Variants in VOPP1 observed in about 807,000 individuals in gnomAD.
VOPP1 encodes the protein VOPP1 WW domain binding protein.
Under a neutral mutation model 23.5 loss-of-function variants are expected in VOPP1, and 8 were observed. That is an observed-to-expected ratio of 0.34 (90% CI 0.20 to 0.61). The LOEUF is 0.61. Among genes scored for constraint, VOPP1 ranks in the 20% least tolerant of loss-of-function variants. VOPP1 has a pLI of 0.78. For synonymous variants in VOPP1, 83 were observed against 97.3 expected (o/e 0.85, Z 0.86); for missense variants, 174 against 238.1 (o/e 0.73, Z 1.77).
At chr7:55,526,981 A>G (rs954578659) in intron 1 of VOPP1, 1 of 152,234 alleles carries the variant, frequency 6.6e-6, no homozygotes. Flanking sequence ...CTTGAGCCCA[A>G]TTAGAGTGGG....
At chr7:55,561,800 T>TGGGAGTAGCTTGCCTA (rs376114736) in intron 1 of VOPP1, 92 of 586,048 alleles carry the variant, frequency 1.6e-4, no homozygotes, top group Non-Finnish European at 2.4e-4. Flanking sequence ...TCAGAGCACG[T>TGGGAGTAGCTTGCCTA]GGGAGTAGCT....
rs544248814 is a variant in VOPP1 at position 55,498,840 on chromosome 7, G to A, written c.114-1150C>T. ...GATAACAGCGGCCTGGAACTCAGCAGACCCAAGCTCCAAAGCTGCTCTTCC... is the reference window on the plus strand; with the variant it reads ...GATAACAGCGGCCTGGAACTCAGCAAACCCAAGCTCCAAAGCTGCTCTTCC... On this transcript the variant is annotated intron_variant, in intron 2 of 4. Transcript: ENST00000285279. Among the ~76,000 whole-genome samples the A allele has an allele frequency of 2.6e-5, 4 of 152,316 alleles. No homozygotes were observed. In the South Asian group the frequency reaches 6.2e-4, roughly 24 times the overall value.
At chr7:55,506,185 G>A (rs1794711600) in intron 2 of VOPP1, among the ~76,000 whole-genome samples, 1 of 152,164 alleles carries the variant, frequency 6.6e-6, no homozygotes, top group Admixed American at 6.5e-5. Flanking sequence ...CTGGTGCCCA[G>A]GGCATTCCTG....
intron 1 of VOPP1, among the ~76,000 whole-genome samples, chr7:55,527,247 T>G (rs1013912506): frequency 1.3e-5 from 2 of 152,216 alleles, no homozygotes; most frequent in Non-Finnish European, 2.9e-5. Context: ...TCCCCAGGTT[T>G]ATGGACATTT....
At chr7:55,502,225 C>T (rs558078517) in intron 2 of VOPP1, among the ~76,000 whole-genome samples, 46 of 152,262 alleles carry the variant, frequency 3.0e-4, no homozygotes, top group Non-Finnish European at 5.1e-4. Flanking sequence ...AACACACATA[C>T]ACCCCTCAGC....
rs1048938025 is a variant in VOPP1, at chr7:55,470,803, C to T, written c.*2052G>A. On this transcript the variant is annotated 3_prime_UTR_variant, in exon 5 of 5. Transcript: ENST00000285279. Reference sequence around the variant, plus strand: ...CTCACTCCAGGAAGTGGGCACAACCCACCATCCACACAATGGAAACAAGAA... The same window carrying T: ...CTCACTCCAGGAAGTGGGCACAACCTACCATCCACACAATGGAAACAAGAA... The T allele has an allele frequency of 2.6e-5, 4 of 152,330 alleles. No individual in the cohort carries two copies. In the East Asian group the frequency reaches 5.8e-4, roughly 22 times the overall value. The allele number at this position is 152,330 out of a possible 1,614,324, so 9.4% of individuals were successfully genotyped here. A position where few individuals can be genotyped will look rare whatever the true frequency, so the allele number is the denominator to read the frequency against.
At chr7:55,462,964 G>A (rs1165555287) in intron 4 of VOPP1, among the ~76,000 whole-genome samples, 1 of 152,068 alleles carries the variant, frequency 6.6e-6, no homozygotes, top group East Asian at 1.9e-4. Flanking sequence ...CAGTATTTCT[G>A]TTTGGTTCTT....
downstream of VOPP1, among the ~76,000 whole-genome samples, chr7:55,467,207 TCTG>T (rs1398255587): frequency 1.3e-5 from 2 of 152,200 alleles, no homozygotes; most frequent in African/African-American, 4.8e-5. Flanking sequence ...GCAGTACTGG[TCTG>T]CAGCCTGAGG....
chr7:55,551,970 G>A, intron 1 of VOPP1, among the ~76,000 whole-genome samples: 1 of 149,858 alleles, frequency 6.7e-6, no homozygotes, highest in African/African-American at 2.5e-5. Context: ...AACCTAGGAG[G>A]CAGAGGTTGC....
chr7:55,547,109 C>G (rs1347247722), intron 1 of VOPP1, among the ~76,000 whole-genome samples: 6 of 152,244 alleles, frequency 3.9e-5, no homozygotes, highest in African/African-American at 1.4e-4. Context: ...GCTGTTAAGA[C>G]TTGGGAGAAG....
chr7:55,440,534 T>G (rs914827695), intron 4 of VOPP1, among the ~76,000 whole-genome samples: 4 of 152,242 alleles, frequency 2.6e-5, no homozygotes, highest in Non-Finnish European at 5.9e-5. Context: ...TGACAGCGGC[T>G]GGGCTCAGGG....
intron 2 of VOPP1, among the ~76,000 whole-genome samples, chr7:55,508,477 A>G (rs984096743): frequency 6.6e-6 from 1 of 152,168 alleles, no homozygotes; most frequent in Admixed American, 6.5e-5. Context: ...CTATGTTGCC[A>G]GGCTGGTCTC....
At chr7:55,533,050 C>G (rs1219743527) in intron 1 of VOPP1, among the ~76,000 whole-genome samples, 1 of 152,172 alleles carries the variant, frequency 6.6e-6, no homozygotes, top group Non-Finnish European at 1.5e-5. Flanking sequence ...CAGGGAGTCT[C>G]TGGCAGTGTG....
At chr7:55,446,991 A>G (rs1463677611) in intron 4 of VOPP1, among the ~76,000 whole-genome samples, 3 of 152,218 alleles carry the variant, frequency 2.0e-5, no homozygotes, top group Non-Finnish European at 4.4e-5. Context: ...TAGATATCAC[A>G]TCAGTGATCA....
intron 4 of VOPP1, among the ~76,000 whole-genome samples, chr7:55,439,013 G>C (rs1790898730): frequency 6.6e-6 from 1 of 152,224 alleles, no homozygotes; most frequent in Non-Finnish European, 1.5e-5. Context: ...GGGCTGGGAG[G>C]GCCGGGCTGA....
intron 3 of VOPP1, among the ~76,000 whole-genome samples, chr7:55,493,388 G>C (rs1342093718): frequency 6.6e-6 from 1 of 152,234 alleles, no homozygotes; most frequent in East Asian, 1.9e-4. Context: ...GCACACAGCA[G>C]AGCGGGTCGC....
At chr7:55,488,220 C>T (rs1216669405) in intron 4 of VOPP1, among the ~76,000 whole-genome samples, 1 of 152,168 alleles carries the variant, frequency 6.6e-6, no homozygotes, top group African/African-American at 2.4e-5. Context: ...TTCTGCACAC[C>T]GTTTCATTTT....
At chr7:55,510,570 CTTTTTTT>C (rs34545604) in intron 2 of VOPP1, among the ~76,000 whole-genome samples, 1 of 119,822 alleles carries the variant, frequency 8.3e-6, no homozygotes, top group Non-Finnish European at 1.8e-5. Flanking sequence ...AGGGCACTGG[CTTTTTTT>C]TTTTTTTTTT....
intron 2 of VOPP1, among the ~76,000 whole-genome samples, chr7:55,519,879 G>C (rs1272942928): frequency 6.6e-6 from 1 of 152,240 alleles, no homozygotes; most frequent in Non-Finnish European, 1.5e-5. Flanking sequence ...TCTAATCCCA[G>C]CACTTTGGGA....
Sources: allele counts gnomAD v4.1 joint callset (sites outside exome capture counted in the v4.1 genomes callset), GRCh38; gene constraint gnomAD v4.1.1; transcripts MANE v1.5; gene names NCBI Gene and HGNC (gene_info 2026-07-23, HGNC 2026-07-21).